DPP10: variants seen among roughly 807,000 people sequenced by gnomAD.
DPP10 encodes the protein inactive dipeptidyl peptidase 10.
A neutral mutation model predicts 120.9 loss-of-function variants in DPP10; 33 were observed. The ratio of observed to expected loss-of-function variants is 0.27; its 90% CI spans 0.21 to 0.37. The LOEUF (loss-of-function observed/expected upper bound fraction) is 0.37, where lower values mean the gene tolerates loss of function less well. Among genes scored for constraint, DPP10 ranks in the 10% least tolerant of loss-of-function variants. DPP10 has a pLI of 1.00. For missense variants in DPP10, 816 were observed against 942.8 expected (o/e 0.87, Z 1.76); for synonymous variants, 337 against 326.1 (o/e 1.03, Z -0.36).
chr2:114,917,586 C>T (rs1203662816), intron 1 of DPP10, among the ~76,000 whole-genome samples: 1 of 152,122 alleles, frequency 6.6e-6, no homozygotes, highest in Non-Finnish European at 1.5e-5. Flanking sequence ...AGCAAAACAG[C>T]ATGGTATTTG....
intron 1 of DPP10, among the ~76,000 whole-genome samples, chr2:114,739,156 G>A (rs1159392765): frequency 1.3e-5 from 2 of 152,248 alleles, no homozygotes; most frequent in East Asian, 3.9e-4. Context: ...TTTTGTACAT[G>A]TTAGGAAAAT....
At chr2:115,003,741 T>C (rs1036480521) in intron 1 of DPP10, among the ~76,000 whole-genome samples, 1 of 152,150 alleles carries the variant, frequency 6.6e-6, no homozygotes, top group Non-Finnish European at 1.5e-5. Context: ...CATGTAGATA[T>C]TGACCAAAAT....
intron 1 of DPP10, among the ~76,000 whole-genome samples, chr2:114,633,679 C>T (rs924799008): frequency 6.6e-6 from 1 of 151,218 alleles, no homozygotes; most frequent in South Asian, 2.1e-4. Context: ...AATGGTGGGA[C>T]CTTGGCTCAC....
intron 1 of DPP10, among the ~76,000 whole-genome samples, chr2:114,861,385 G>A (rs1228418576): frequency 2.0e-5 from 3 of 152,178 alleles, no homozygotes; most frequent in Non-Finnish European, 2.9e-5. Context: ...AGACTATGGC[G>A]AAGACTTTGA....
intron 3 of DPP10, among the ~76,000 whole-genome samples, chr2:115,480,122 T>G (rs548196794): frequency 6.6e-6 from 1 of 152,088 alleles, no homozygotes; most frequent in African/African-American, 2.4e-5. Flanking sequence ...CTATTAAAAT[T>G]TTCACTTCCA....
At chr2:115,005,960 C>A (rs1381577571) in intron 1 of DPP10, among the ~76,000 whole-genome samples, 1 of 152,018 alleles carries the variant, frequency 6.6e-6, no homozygotes, top group African/African-American at 2.4e-5. Context: ...TTAAGGGCAG[C>A]CAGAGAGAAA....
intron 17 of DPP10, 127 bp downstream of exon 17, chr2:115,782,526 C>T (rs1370978129): frequency 1.6e-5 from 13 of 797,914 alleles, no homozygotes; most frequent in Middle Eastern, 2.5e-4. Context: ...AGGAAAGCTG[C>T]GTGTATACCA....
intron 1 of DPP10, among the ~76,000 whole-genome samples, chr2:115,221,846 G>A (rs1044590296): frequency 6.7e-6 from 1 of 149,688 alleles, no homozygotes; most frequent in African/African-American, 2.5e-5. Context: ...ACCCCACATG[G>A]ACAGCTGATT....
At chr2:115,335,423 A>C (rs2063065002) in intron 2 of DPP10, among the ~76,000 whole-genome samples, 1 of 152,020 alleles carries the variant, frequency 6.6e-6, no homozygotes, top group Admixed American at 6.6e-5. Flanking sequence ...TAAGTTAGGA[A>C]ACATTAAGAA....
chr2:114,807,045 T>A (rs965708128), intron 1 of DPP10, among the ~76,000 whole-genome samples: 1 of 152,220 alleles, frequency 6.6e-6, no homozygotes, highest in African/African-American at 2.4e-5. Flanking sequence ...GCAGACAGAA[T>A]GATCTTTTCT....
intron 1 of DPP10, among the ~76,000 whole-genome samples, chr2:114,786,111 C>T (rs1278692004): frequency 6.6e-6 from 1 of 152,154 alleles, no homozygotes; most frequent in Non-Finnish European, 1.5e-5. Context: ...TATTTTTCTT[C>T]TTCTTTCTAG....
intron 3 of DPP10, chr2:115,468,714 C>T: frequency 2.7e-6 from 1 of 373,088 alleles, no homozygotes; most frequent in South Asian, 2.1e-5. Context: ...AAAGCTATGA[C>T]CAAGGAAGAA....
At chr2:114,761,758 C>A (rs1680301972) in intron 1 of DPP10, among the ~76,000 whole-genome samples, 1 of 152,184 alleles carries the variant, frequency 6.6e-6, no homozygotes, top group Non-Finnish European at 1.5e-5. Context: ...ATGGAAACCA[C>A]TGCAGACACT....
chr2:115,594,365 A>C (rs1324718201), intron 5 of DPP10, among the ~76,000 whole-genome samples: 1 of 152,230 alleles, frequency 6.6e-6, no homozygotes, highest in Non-Finnish European at 1.5e-5. Context: ...TGTTTACAAG[A>C]GTATATTTAC....
intron 1 of DPP10, chr2:114,828,797 A>G (rs1001046345): frequency 6.6e-6 from 1 of 152,268 alleles, no homozygotes; most frequent in Non-Finnish European, 1.5e-5. Flanking sequence ...ACTGGGATGC[A>G]GCTATGCAGG....
intron 1 of DPP10, among the ~76,000 whole-genome samples, chr2:114,538,695 A>C (rs1166990010): frequency 2.6e-5 from 4 of 152,154 alleles, no homozygotes; most frequent in Non-Finnish European, 4.4e-5. Context: ...ACATAGATTT[A>C]TTTATTGTTC....
chr2:115,022,289 A>G (rs1703133035), intron 1 of DPP10, among the ~76,000 whole-genome samples: 1 of 152,084 alleles, frequency 6.6e-6, no homozygotes, highest in Admixed American at 6.6e-5. Flanking sequence ...AAAAGCTCCT[A>G]CAAAGGGTAA....
Position 115,681,723 on chromosome 2 carries a change from TTCC to T in DPP10, c.442-7962_442-7960del, listed in dbSNP as rs2090667169. Among the ~76,000 whole-genome samples, 5 of 150,884 alleles carry T rather than the reference TTCC, an allele frequency of 3.3e-5. No homozygotes were observed. In the South Asian group the frequency reaches 1.0e-3, roughly 32 times the overall value. ...TGCCTTCCTACCTTCCTTCCTTTCC[TTCC>T]TTCCTTTCTTCCTTTCTCTCTCTCT... On this transcript the variant is annotated intron_variant, in intron 5 of 25. Transcript: ENST00000410059.
chr2:115,399,882 G>A lies in DPP10; in HGVS notation c.271+55970G>A, dbSNP rs912335645. Among the ~76,000 whole-genome samples the A allele has an allele frequency of 2.6e-5, 4 of 151,954 alleles. 1 individual carries two copies. Among genetic ancestry groups the A allele is most frequent in the Admixed American group, 2.0e-4 (3 of 15,228 alleles). On this transcript the variant is annotated intron_variant, in intron 3 of 25. Transcript: ENST00000410059. ...GCTGTAAGGAAATATATGAGATGGG[G>A]TCATTTATAAAGAAAAAAAGGTTTA... is the stretch of plus-strand genomic sequence containing the variant.
Sources: gnomAD v4.1 joint callset for allele counts (sites outside exome capture counted in the v4.1 genomes callset) on GRCh38, gnomAD v4.1.1 for gene constraint, MANE v1.5 for transcripts, NCBI Gene and HGNC (gene_info 2026-07-23, HGNC 2026-07-21) for gene names.